GPC5: variants seen among roughly 807,000 people sequenced by gnomAD.
The protein encoded by GPC5 is glypican 5.
GPC5 carries 47 observed loss-of-function variants against 53.9 expected under a neutral mutation model. The observed-to-expected ratio is 0.87, with a 90% CI of 0.69 to 1.11. The LOEUF (loss-of-function observed/expected upper bound fraction) is 1.11. GPC5 is among the 50% of genes most tolerant of loss of function. The pLI, the probability that GPC5 is intolerant of heterozygous loss-of-function variation, is 0.00. For synonymous variants in GPC5, 286 were observed against 263.3 expected, an observed-to-expected ratio of 1.09 and a Z score of -0.84; for missense variants, 748 against 713.1, an observed-to-expected ratio of 1.05 and a Z score of -0.56.
intron 1 of GPC5, 43 bp downstream of exon 1, chr13:91,399,252 C>T (rs1339096045): frequency 1.3e-6 from 2 of 1,588,484 alleles, no homozygotes; most frequent in African/African-American, 1.3e-5. Context: ...GGCGTCCGAG[C>T]CCGGCCTTCG....
chr13:91,726,162 G>A (rs1220546252), intron 3 of GPC5, among the ~76,000 whole-genome samples: 1 of 152,084 alleles, frequency 6.6e-6, no homozygotes, highest in Non-Finnish European at 1.5e-5. Context: ...AATTCACTTT[G>A]AGCCTTTTAC....
intron 6 of GPC5, among the ~76,000 whole-genome samples, chr13:92,029,400 G>A (rs576541496): frequency 6.6e-6 from 1 of 152,276 alleles, no homozygotes; most frequent in African/African-American, 2.4e-5. Flanking sequence ...ACTGCTGTAC[G>A]TTGTGTCTTG....
At chr13:91,517,528 G>A (rs1412842977) in intron 2 of GPC5, among the ~76,000 whole-genome samples, 2 of 152,274 alleles carry the variant, frequency 1.3e-5, no homozygotes, top group South Asian at 4.1e-4. Context: ...CATTCAACAA[G>A]TATCTAGGAA....
intron 6 of GPC5, among the ~76,000 whole-genome samples, chr13:92,103,435 C>A (rs1019369629): frequency 2.0e-5 from 3 of 152,106 alleles, no homozygotes; most frequent in African/African-American, 7.2e-5. Flanking sequence ...ATATTTATCT[C>A]ACTTCTTTTA....
intron 1 of GPC5, among the ~76,000 whole-genome samples, chr13:91,438,956 G>A (rs942772511): frequency 3.3e-5 from 5 of 152,234 alleles, no homozygotes; most frequent in East Asian, 1.9e-4. Flanking sequence ...AGGACCCTCC[G>A]AGCCAGGTGC....
At chr13:92,570,646 A>G (rs2139040412) in intron 7 of GPC5, among the ~76,000 whole-genome samples, 1 of 152,256 alleles carries the variant, frequency 6.6e-6, no homozygotes, top group Non-Finnish European at 1.5e-5. Context: ...TGATATGTTT[A>G]TATGTAAAAA....
At chr13:91,636,891 G>A (rs2034299046) in intron 2 of GPC5, among the ~76,000 whole-genome samples, 1 of 152,172 alleles carries the variant, frequency 6.6e-6, no homozygotes, top group Non-Finnish European at 1.5e-5. Flanking sequence ...CCAGGCATTT[G>A]AGGCTGTAGT....
chr13:92,566,004 C>T (rs540189232), intron 7 of GPC5, among the ~76,000 whole-genome samples: 1 of 152,114 alleles, frequency 6.6e-6, no homozygotes, highest in African/African-American at 2.4e-5. Context: ...TTTTTGTCAA[C>T]AGTCATTTTA....
chr13:92,661,458 A>G (rs1350394113), intron 7 of GPC5, among the ~76,000 whole-genome samples: 3 of 152,236 alleles, frequency 2.0e-5, no homozygotes, highest in Non-Finnish European at 4.4e-5. Context: ...TATACATTAT[A>G]TAAACAAAAT....
intron 5 of GPC5, among the ~76,000 whole-genome samples, chr13:91,798,690 C>T (rs12873046): frequency 0.28 from 42,305 of 151,786 alleles, 6,541 homozygotes; most frequent in African/African-American, 0.39. Flanking sequence ...TATTCCTTTA[C>T]GTATATATCC....
chr13:92,235,910 T>A (rs1433011495), intron 7 of GPC5, among the ~76,000 whole-genome samples: 1 of 152,120 alleles, frequency 6.6e-6, no homozygotes, highest in Non-Finnish European at 1.5e-5. Context: ...ACTTAAGATG[T>A]TGTTGGCACT....
At chr13:92,339,396 C>A (rs960874342) in intron 7 of GPC5, among the ~76,000 whole-genome samples, 1 of 151,866 alleles carries the variant, frequency 6.6e-6, no homozygotes, top group Admixed American at 6.6e-5. Context: ...TTTGAGTAAT[C>A]AAGGATATAT....
chr13:92,566,480 C>A (rs982263351), intron 7 of GPC5, among the ~76,000 whole-genome samples: 1 of 152,116 alleles, frequency 6.6e-6, no homozygotes. Flanking sequence ...TCACAGCCCA[C>A]AGGCTTTCAG....
At chr13:92,432,928 G>A (rs1186411941) in intron 7 of GPC5, among the ~76,000 whole-genome samples, 1 of 152,128 alleles carries the variant, frequency 6.6e-6, no homozygotes. Flanking sequence ...TGAAGGAGAT[G>A]TTTATAACCT....
intron 7 of GPC5, among the ~76,000 whole-genome samples, chr13:92,863,668 T>G (rs1051575641): frequency 2.8e-4 from 43 of 152,114 alleles, no homozygotes; most frequent in African/African-American, 9.7e-4. Context: ...TAATTTTGTA[T>G]TTTTAGTAGA....
At chr13:92,177,899 A>G (rs1593965124) in intron 7 of GPC5, among the ~76,000 whole-genome samples, 1 of 152,214 alleles carries the variant, frequency 6.6e-6, no homozygotes, top group Admixed American at 6.5e-5. Flanking sequence ...GGCATTATAT[A>G]TAATTAAAGA....
intron 7 of GPC5, among the ~76,000 whole-genome samples, chr13:92,584,310 C>T (rs771146365): frequency 2.6e-5 from 4 of 152,088 alleles, no homozygotes; most frequent in Non-Finnish European, 5.9e-5. Flanking sequence ...GATGTGGTCT[C>T]AGATGGAGAT....
At chr13:91,671,092 G>C (rs889560295) in intron 2 of GPC5, among the ~76,000 whole-genome samples, 1 of 152,110 alleles carries the variant, frequency 6.6e-6, no homozygotes, top group Non-Finnish European at 1.5e-5. Context: ...GGCATAATTA[G>C]TGTATTGGGC....
rs186891152 is a variant in GPC5, at chr13:92,641,830, G to C, written c.1562-224452G>C. On this transcript the variant is annotated intron_variant, in intron 7 of 7. Coordinates refer to ENST00000377067, the MANE Select transcript of GPC5 (RefSeq NM_004466.6). ...TTTAATAAGAGATGTTGGCACTTTG[G>C]GCAGAAAGGGAGTGGTAGGCATGTG... is the stretch of plus-strand genomic sequence containing the variant. Among the ~76,000 whole-genome samples the C allele has an allele frequency of 8.5e-4, 130 of 152,126 alleles. 1 individual carries two copies. Among genetic ancestry groups the C allele is most frequent in the African/African-American group, 2.8e-3 (118 of 41,490 alleles).
Sources: allele counts gnomAD v4.1 joint callset (sites outside exome capture counted in the v4.1 genomes callset), GRCh38; gene constraint gnomAD v4.1.1; transcripts MANE v1.5; gene names NCBI Gene and HGNC (gene_info 2026-07-23, HGNC 2026-07-21).